Variants in PSME4 observed in about 807,000 individuals in gnomAD.
The protein encoded by PSME4 is proteasome activator complex subunit 4.
Under a neutral mutation model 253.9 loss-of-function variants are expected in PSME4, and 89 were observed. That is an observed-to-expected ratio of 0.35 (90% CI 0.30 to 0.42). PSME4 has a LOEUF of 0.42. Among genes scored for constraint, PSME4 ranks in the 10% least tolerant of loss-of-function variants. The probability of loss-of-function intolerance (pLI) is 1.00; values close to 1 mark genes in which losing one functional copy is unlikely to be tolerated. For missense variants in PSME4, 2,014 were observed against 2,195.2 expected (o/e 0.92, Z 1.65); for synonymous variants, 851 against 759.2 (o/e 1.12, Z -1.99).
At chr2:53,963,460 G>T (rs1455047536) in intron 1 of PSME4, among the ~76,000 whole-genome samples, 2 of 152,198 alleles carry the variant, frequency 1.3e-5, no homozygotes, top group African/African-American at 4.8e-5. Context: ...TGTGTTCAAA[G>T]AAGATTGATG....
At chr2:53,886,365 C>G (rs937576271) in intron 40 of PSME4, among the ~76,000 whole-genome samples, 1 of 152,082 alleles carries the variant, frequency 6.6e-6, no homozygotes, top group Non-Finnish European at 1.5e-5. Context: ...GCAGCCTGGA[C>G]GACAGAGTGA....
chr2:53,885,318 G>A (rs1303592097), intron 41 of PSME4, among the ~76,000 whole-genome samples: 3 of 152,118 alleles, frequency 2.0e-5, no homozygotes, highest in Non-Finnish European at 4.4e-5. Flanking sequence ...ACAATATACT[G>A]AACATTTTCG....
intron 20 of PSME4, among the ~76,000 whole-genome samples, chr2:53,916,289 A>C (rs984022457): frequency 6.6e-6 from 1 of 152,102 alleles, no homozygotes; most frequent in African/African-American, 2.4e-5. Flanking sequence ...TGCGTCTAAA[A>C]ACTGGTCTGG....
chr2:53,934,811 C>T (rs1029911500), intron 7 of PSME4, 84 bp from the exon 8 acceptor site: 1 of 1,023,416 alleles, frequency 9.8e-7, no homozygotes, highest in Non-Finnish European at 1.4e-6. Context: ...ATTAGTGTTA[C>T]TGAAGATATT....
At chr2:53,917,493 A>C (rs1443205120) in intron 20 of PSME4, among the ~76,000 whole-genome samples, 2 of 152,200 alleles carry the variant, frequency 1.3e-5, no homozygotes, top group Non-Finnish European at 2.9e-5. Context: ...CATGGCATCA[A>C]GATACAGGCT....
chr2:53,905,786 C>T lies in PSME4; in HGVS notation c.2943+812G>A, dbSNP rs142482430. ...GGGCTGTGATCACACCACTGCACTG[C>T]AGCCTGGGTAACAGAGAGAGACCTT... On this transcript the variant is annotated intron_variant, in intron 26 of 46. Transcript: ENST00000404125. Among the ~76,000 whole-genome samples, 17 of 151,932 alleles carry T rather than the reference C, an allele frequency of 1.1e-4. No individual in the cohort carries two copies. The East Asian group carries it at 2.5e-3, about 22-fold the overall frequency.
chr2:53,866,258 C>T (rs891701143), intron 45 of PSME4, 35 bp from the exon 46 acceptor site: 9 of 1,607,050 alleles, frequency 5.6e-6, no homozygotes, highest in Non-Finnish European at 6.8e-6. Flanking sequence ...GTTTTAACCT[C>T]TCTGGACAAC....
At chr2:53,905,420 G>C (rs1162933924) in intron 26 of PSME4, among the ~76,000 whole-genome samples, 2 of 152,118 alleles carry the variant, frequency 1.3e-5, no homozygotes, top group Non-Finnish European at 2.9e-5. Context: ...TGTTCAGGTA[G>C]CCGGGCATGG....
intron 3 of PSME4, among the ~76,000 whole-genome samples, chr2:53,945,249 T>C (rs2104472870): frequency 6.6e-6 from 1 of 152,332 alleles, no homozygotes; most frequent in East Asian, 1.9e-4. Flanking sequence ...TCAAAGTAAG[T>C]GTATGGGACA....
At chr2:53,932,782 A>C (rs1668902234) in intron 8 of PSME4, 22 bp from the exon 9 acceptor site, 1 of 1,570,166 alleles carries the variant, frequency 6.4e-7, no homozygotes, top group Non-Finnish European at 8.8e-7. Flanking sequence ...AAAGAGTAAA[A>C]ATGTCAGTAC....
intron 20 of PSME4, among the ~76,000 whole-genome samples, chr2:53,912,392 C>A (rs1377259641): frequency 6.6e-6 from 1 of 152,200 alleles, no homozygotes; most frequent in Non-Finnish European, 1.5e-5. Context: ...TTGATCTCTT[C>A]TTGCCTACCA....
At chr2:53,915,674 TAA>T (rs2104447114) in intron 20 of PSME4, among the ~76,000 whole-genome samples, 1 of 152,150 alleles carries the variant, frequency 6.6e-6, no homozygotes, top group African/African-American at 2.4e-5. Flanking sequence ...CAAAGACTAC[TAA>T]TACACACACG....
chr2:53,874,884 G>A (rs960338704), intron 42 of PSME4, among the ~76,000 whole-genome samples: 6 of 152,216 alleles, frequency 3.9e-5, no homozygotes, highest in South Asian at 2.1e-4. Context: ...GGCGGAGGTT[G>A]CAGTGAGCAG....
At chr2:53,931,422 T>C (rs1558695562) in intron 10 of PSME4, among the ~76,000 whole-genome samples, 1 of 152,178 alleles carries the variant, frequency 6.6e-6, no homozygotes, top group Non-Finnish European at 1.5e-5. Context: ...ACAACACACC[T>C]GAATATATAA....
chr2:53,895,568 C>T lies in PSME4; in HGVS notation c.3842+15G>A. On this transcript the variant is annotated intron_variant, in intron 33 of 46. Transcript: ENST00000404125. ...CAAAGGCATTTAATGATAAGGTGCA[C>T]AGTAAGTTACTTACTTTGGCCAGGT... 5.0e-6 allele frequency: 8 copies of T among 1,598,932 alleles called. No homozygotes were observed. Among genetic ancestry groups the T allele is most frequent in the Non-Finnish European group, 6.0e-6 (7 of 1,174,176 alleles).
intron 1 of PSME4, among the ~76,000 whole-genome samples, chr2:53,952,952 G>A (rs1342629681): frequency 6.6e-6 from 1 of 152,208 alleles, no homozygotes; most frequent in Non-Finnish European, 1.5e-5. Flanking sequence ...TTTCATTGCA[G>A]TAGACAGACA....
chr2:53,948,683 C>G, intron 2 of PSME4, 146 bp from the exon 3 acceptor site: 4 of 619,550 alleles, frequency 6.5e-6, no homozygotes, highest in Non-Finnish European at 5.7e-6. Flanking sequence ...ACTAGCAGAA[C>G]ATAGTATTAA....
chr2:53,964,481 C>A (rs1413897452), intron 1 of PSME4, among the ~76,000 whole-genome samples: 10 of 152,124 alleles, frequency 6.6e-5, no homozygotes, highest in African/African-American at 2.4e-4. Flanking sequence ...TTTTGGTTCC[C>A]ATTTTGAATG....
chr2:53,937,141 T>C (rs1441853988), intron 5 of PSME4, among the ~76,000 whole-genome samples: 1 of 152,212 alleles, frequency 6.6e-6, no homozygotes, highest in Non-Finnish European at 1.5e-5. Flanking sequence ...TCTGTTTTCC[T>C]GTTATTACCC....
Sources: allele counts gnomAD v4.1 joint callset (sites outside exome capture counted in the v4.1 genomes callset), GRCh38; gene constraint gnomAD v4.1.1; transcripts MANE v1.5; gene names NCBI Gene and HGNC (gene_info 2026-07-23, HGNC 2026-07-21).